C1QTNF9: variants seen among roughly 807,000 people sequenced by gnomAD.
C1QTNF9 encodes complement C1q and tumor necrosis factor-related protein 9A.
Under a neutral mutation model 10.1 loss-of-function variants are expected in C1QTNF9, and 6 were observed. That is an observed-to-expected ratio of 0.59 (90% CI 0.32 to 1.17). The LOEUF is 1.17. Among genes scored for constraint, C1QTNF9 ranks in the 50% most tolerant of loss-of-function variants. The probability of loss-of-function intolerance (pLI) is 0.04; values close to 1 mark genes in which losing one functional copy is unlikely to be tolerated. For synonymous variants in C1QTNF9, 98 were observed against 163.5 expected (o/e 0.60, Z 3.06); for missense variants, 201 against 418.8 (o/e 0.48, Z 4.54).
intron 2 of C1QTNF9, 52 bp downstream of exon 2, chr13:24,316,221 C>A (rs1482374957): frequency 8.6e-6 from 13 of 1,508,162 alleles, no homozygotes; most frequent in South Asian, 1.2e-5. Flanking sequence ...TCATTCCTTT[C>A]ATCTCATTCA....
upstream of C1QTNF9, chr13:24,307,309 G>C (rs1183203205): frequency 6.6e-6 from 1 of 152,324 alleles, no homozygotes; most frequent in South Asian, 2.1e-4. Flanking sequence ...TGGAGTAAGA[G>C]GGATGCGGAA....
chr13:24,308,515 G>A (rs559443494), upstream of C1QTNF9, among the ~76,000 whole-genome samples: 5 of 152,378 alleles, frequency 3.3e-5, no homozygotes, highest in South Asian at 1.0e-3. Flanking sequence ...CCGCCCACCT[G>A]GGACCACGGC....
chr13:24,317,287 T>TGTG (rs56654126), intron 2 of C1QTNF9, among the ~76,000 whole-genome samples: 15,320 of 144,132 alleles, frequency 0.11, 834 homozygotes, highest in Middle Eastern at 0.24. Flanking sequence ...GTGTGTGTAT[T>TGTG]GTATTTCTGA....
At chr13:24,309,306 T>TATATATATATATATATA (rs963863876), upstream of C1QTNF9, among the ~76,000 whole-genome samples, 94 of 134,070 alleles carry the variant, frequency 7.0e-4, 3 homozygotes, top group African/African-American at 2.7e-3. Context: ...TATATATATA[T>TATATATATATATATATA]ATGAAAGAAA....
intron 1 of C1QTNF9, among the ~76,000 whole-genome samples, chr13:24,314,083 G>A (rs1877937569): frequency 1.3e-5 from 2 of 152,232 alleles, no homozygotes; most frequent in South Asian, 4.1e-4. Context: ...TGGAACATTA[G>A]GAAGAATTTT....
intron 3 of C1QTNF9, among the ~76,000 whole-genome samples, chr13:24,320,548 C>T (rs1201980093): frequency 6.6e-6 from 1 of 151,982 alleles, no homozygotes. Flanking sequence ...CCGCGCCTGG[C>T]TAATTTTTGT....
exon 3 of C1QTNF9, chr13:24,318,880 G>A (rs1878145465): frequency 6.2e-7 from 1 of 1,614,138 alleles, no homozygotes; most frequent in South Asian, 1.1e-5. Context: ...GGGAGAACGA[G>A]GTTAGTAGTT....
chr13:24,308,249 A>G (rs1286437428), upstream of C1QTNF9, among the ~76,000 whole-genome samples: 1 of 152,164 alleles, frequency 6.6e-6, no homozygotes, highest in Non-Finnish European at 1.5e-5. Context: ...GGAAGCGGGG[A>G]AGGGCCGGGC....
chr13:24,319,421 C>T (rs568570705), intron 3 of C1QTNF9, among the ~76,000 whole-genome samples: 2 of 152,032 alleles, frequency 1.3e-5, no homozygotes, highest in Non-Finnish European at 2.9e-5. Flanking sequence ...TGCCTGTAGT[C>T]CCAGCTACCC....
intron 3 of C1QTNF9, 111 bp downstream of exon 3, chr13:24,318,991 G>C: frequency 6.9e-7 from 1 of 1,457,852 alleles, no homozygotes. Flanking sequence ...AGGCAACACA[G>C]TTCTTACTCT....
chr13:24,321,514 T>G (rs1251485751), exon 4 of C1QTNF9: 1 of 1,613,490 alleles, frequency 6.2e-7, no homozygotes, highest in Non-Finnish European at 8.5e-7. Context: ...TGGGGTCTAT[T>G]ACTTCACCTA....
At chr13:24,320,246 C>G (rs1878199590) in intron 3 of C1QTNF9, among the ~76,000 whole-genome samples, 2 of 152,100 alleles carry the variant, frequency 1.3e-5, no homozygotes, top group Admixed American at 1.3e-4. Context: ...TAATGGCCAG[C>G]ATGGTAGACT....
chr13:24,311,606 C>T (rs574288856), intron 1 of C1QTNF9, among the ~76,000 whole-genome samples: 2 of 152,344 alleles, frequency 1.3e-5, no homozygotes, highest in African/African-American at 2.4e-5. Context: ...TGGCTGACTA[C>T]AGATGTCTGC....
intron 2 of C1QTNF9, among the ~76,000 whole-genome samples, chr13:24,316,863 G>C (rs1470746501): frequency 6.6e-6 from 1 of 152,182 alleles, no homozygotes; most frequent in African/African-American, 2.4e-5. Context: ...TTGAGGCCTG[G>C]TCTTGACCAT....
chr13:24,321,823 A>G (rs1242726883), exon 4 of C1QTNF9: 1 of 1,491,824 alleles, frequency 6.7e-7, no homozygotes, highest in Admixed American at 2.4e-5. Flanking sequence ...CTTGGGATGA[A>G]CTTATTCAGA....
intron 2 of C1QTNF9, among the ~76,000 whole-genome samples, chr13:24,317,269 G>GTGTA (rs1878075480): frequency 2.0e-5 from 3 of 152,016 alleles, no homozygotes; most frequent in Non-Finnish European, 4.4e-5. Flanking sequence ...GTGTGTGTGT[G>GTGTA]TGTGTGTGTG....
chr13:24,314,425 G>A (rs1056774398), intron 1 of C1QTNF9, among the ~76,000 whole-genome samples: 1 of 151,962 alleles, frequency 6.6e-6, no homozygotes, highest in South Asian at 2.1e-4. Flanking sequence ...GCTCATGCCT[G>A]TAATCCCAGC....
intron 1 of C1QTNF9, among the ~76,000 whole-genome samples, chr13:24,312,691 T>G (rs1877875304): frequency 6.6e-6 from 1 of 152,060 alleles, no homozygotes; most frequent in Non-Finnish European, 1.5e-5. Flanking sequence ...GTGCAGTGAC[T>G]CACACCTGTA....
chr13:24,311,361 A>C (rs557889488), intron 1 of C1QTNF9, among the ~76,000 whole-genome samples: 5 of 152,362 alleles, frequency 3.3e-5, no homozygotes, highest in African/African-American at 9.6e-5. Flanking sequence ...GGACTAAAAA[A>C]CATTAACTTC....
Sources: allele counts gnomAD v4.1 joint callset (sites outside exome capture counted in the v4.1 genomes callset), GRCh38; gene constraint gnomAD v4.1.1; transcripts MANE v1.5; gene names NCBI Gene and HGNC (gene_info 2026-07-23, HGNC 2026-07-21).